Variants in OLAH observed in about 807,000 individuals in gnomAD.
OLAH encodes the protein S-acyl fatty acid synthase thioesterase, medium chain.
In OLAH, 33 loss-of-function variants were observed where a neutral mutation model predicts 27.8. That is an observed-to-expected ratio of 1.19 (90% CI 0.90 to 1.59). The LOEUF (loss-of-function observed/expected upper bound fraction) is 1.59. Ranked by LOEUF, OLAH falls within the 40% of genes most tolerant of loss-of-function variation. The pLI is 0.00. For synonymous variants in OLAH, 120 were observed against 102.9 expected (o/e 1.17, Z -1.01); for missense variants, 359 against 310.8 (o/e 1.16, Z -1.17).
At chr10:15,067,087 C>G (rs1844483514) in intron 6 of OLAH, among the ~76,000 whole-genome samples, 1 of 152,186 alleles carries the variant, frequency 6.6e-6, no homozygotes, top group African/African-American at 2.4e-5. Flanking sequence ...TTGACTTAAT[C>G]TTTCCATAAT....
intron 6 of OLAH, among the ~76,000 whole-genome samples, chr10:15,067,173 G>GA (rs1387592388): frequency 6.6e-6 from 1 of 152,038 alleles, no homozygotes; most frequent in Non-Finnish European, 1.5e-5. Flanking sequence ...AAACAAAATT[G>GA]AAAAAACTGA....
At chr10:15,062,761 CAG>C (rs1206162479) in intron 4 of OLAH, among the ~76,000 whole-genome samples, 5 of 143,798 alleles carry the variant, frequency 3.5e-5, no homozygotes, top group East Asian at 4.0e-4. Context: ...TTTTTTGAGA[CAG>C]AGTCTCACTG....
At chr10:15,037,073 T>C (rs1218441093) in intron 1 of OLAH, among the ~76,000 whole-genome samples, 1 of 151,290 alleles carries the variant, frequency 6.6e-6, no homozygotes, top group Non-Finnish European at 1.5e-5. Flanking sequence ...AGCGAGACTG[T>C]GTCTCAAAAT....
intron 3 of OLAH, among the ~76,000 whole-genome samples, chr10:15,053,674 G>A (rs1324196495): frequency 6.6e-6 from 1 of 151,944 alleles, no homozygotes; most frequent in Non-Finnish European, 1.5e-5. Context: ...CCTCTTCCAA[G>A]TGTACTTCAC....
At chr10:15,064,849 G>T (rs1844436563) in intron 5 of OLAH, among the ~76,000 whole-genome samples, 1 of 152,096 alleles carries the variant, frequency 6.6e-6, no homozygotes, top group South Asian at 2.1e-4. Context: ...TAGAGATGGG[G>T]TTTCACCATG....
Position 15,062,085 on chromosome 10 carries a change from G to T in OLAH, c.302+223G>T, listed in dbSNP as rs1349765131. On this transcript the variant is annotated intron_variant, in intron 4 of 7. Transcript: ENST00000378228. Reference sequence around the variant, plus strand: ...ATAAAGTCAACACTTGTAAAACCAAGACTTTAACAGCAGCTTACATTCTAT... The same window carrying T: ...ATAAAGTCAACACTTGTAAAACCAATACTTTAACAGCAGCTTACATTCTAT... 4 of 434,230 alleles carry T rather than the reference G, an allele frequency of 9.2e-6. No homozygotes were observed. In the Admixed American group the frequency reaches 1.6e-4, roughly 17 times the overall value. 26.9% of individuals were successfully genotyped at this position (434,230 alleles called of 1,614,324 possible). A position where few individuals can be genotyped will look rare whatever the true frequency, so the allele number is the denominator to read the frequency against.
chr10:15,053,284 C>T (rs952176131), intron 3 of OLAH, among the ~76,000 whole-genome samples: 5 of 152,076 alleles, frequency 3.3e-5, no homozygotes, highest in African/African-American at 1.2e-4. Context: ...TAGTCACCGC[C>T]GGTTCCAGGG....
Position 15,049,644 on chromosome 10 carries a change from C to T in OLAH, c.42C>T (p.Asn14=), listed in dbSNP as rs546186374. ...TGAATTTTCTCCCTAGGAATGAAAA[C>T]ATTTTCAACTGCTTATACAAAAACC... ...GDQPKRTRNE[N]IFNCLYKNPE... is the part of the protein sequence containing the mutation. The change falls in exon 3 of 8, where the codon AAC becomes AAT. Residue 14 remains asparagine, a synonymous_variant. Coordinates refer to ENST00000378228, the MANE Select transcript of OLAH (RefSeq NM_001039702.3). The T allele has an allele frequency of 2.1e-5, 33 of 1,584,626 alleles. 1 individual carries two copies. The East Asian group carries it at 7.4e-4, about 36-fold the overall frequency.
intron 3 of OLAH, among the ~76,000 whole-genome samples, chr10:15,055,884 C>T (rs967118882): frequency 1.3e-5 from 2 of 150,014 alleles, no homozygotes; most frequent in African/African-American, 4.9e-5. Context: ...GAGTCTCACT[C>T]TGTCCCTCAG....
chr10:15,061,610 G>A, intron 3 of OLAH, 114 bp from the exon 4 acceptor site: 1 of 986,066 alleles, frequency 1.0e-6, no homozygotes, highest in Non-Finnish European at 1.4e-6. Flanking sequence ...GGACTTAACT[G>A]TTATCATTCA....
chr10:15,043,078 T>C (rs1843950488), upstream of OLAH, among the ~76,000 whole-genome samples: 1 of 151,980 alleles, frequency 6.6e-6, no homozygotes, highest in African/African-American at 2.4e-5. Flanking sequence ...GCCAGGGTGG[T>C]CTCAGTCTCC....
intron 6 of OLAH, chr10:15,071,451 G>C (rs912786125): frequency 4.4e-6 from 4 of 901,820 alleles, no homozygotes; most frequent in Non-Finnish European, 5.3e-6. Flanking sequence ...GCAACCCTCT[G>C]CTGGGCCAAG....
chr10:15,062,588 T>TA (rs1029620047), intron 4 of OLAH, among the ~76,000 whole-genome samples: 2 of 150,680 alleles, frequency 1.3e-5, no homozygotes, highest in African/African-American at 4.8e-5. Flanking sequence ...TATATTATAG[T>TA]AATATTAAAT....
At chr10:15,049,903 T>C in intron 3 of OLAH, 138 bp downstream of exon 3, 1 of 770,702 alleles carries the variant, frequency 1.3e-6, no homozygotes, top group Non-Finnish European at 2.0e-6. Flanking sequence ...TTCAATAGGG[T>C]GACTTTTATG....
chr10:15,034,763 A>C (rs924023883), intron 1 of OLAH, among the ~76,000 whole-genome samples: 1 of 150,646 alleles, frequency 6.6e-6, no homozygotes, highest in African/African-American at 2.4e-5. Context: ...GAAGCATAAG[A>C]CTGTACTGCA....
chr10:15,034,221 C>G (rs1210451879), intron 1 of OLAH, among the ~76,000 whole-genome samples: 1 of 150,736 alleles, frequency 6.6e-6, no homozygotes, highest in Non-Finnish European at 1.5e-5. Flanking sequence ...TCAAGCAATT[C>G]TCCTGGGTTC....
chr10:15,068,899 C>G (rs1343560435), intron 6 of OLAH, among the ~76,000 whole-genome samples: 1 of 152,090 alleles, frequency 6.6e-6, no homozygotes, highest in Non-Finnish European at 1.5e-5. Flanking sequence ...CTCTCAAATC[C>G]TCTGGTATAT....
At chr10:15,053,590 G>A (rs955077360) in intron 3 of OLAH, among the ~76,000 whole-genome samples, 2 of 152,176 alleles carry the variant, frequency 1.3e-5, no homozygotes, top group Non-Finnish European at 2.9e-5. Flanking sequence ...GCAACCCCCC[G>A]AAGCATGCCA....
upstream of OLAH, among the ~76,000 whole-genome samples, chr10:15,039,341 G>A (rs1239907090): frequency 6.6e-6 from 1 of 152,130 alleles, no homozygotes; most frequent in Non-Finnish European, 1.5e-5. Flanking sequence ...ACTTTGGGAG[G>A]CCAAGGCAGG....
Sources: allele counts gnomAD v4.1 joint callset (sites outside exome capture counted in the v4.1 genomes callset), GRCh38; gene constraint gnomAD v4.1.1; transcripts MANE v1.5; gene names NCBI Gene and HGNC (gene_info 2026-07-23, HGNC 2026-07-21).